ADD2: variants seen among roughly 807,000 people sequenced by gnomAD.
ADD2 encodes adducin 2, also known as beta-adducin.
In ADD2, 23 loss-of-function variants were observed where a neutral mutation model predicts 83.0. The observed-to-expected ratio is 0.28, with a 90% CI of 0.20 to 0.39. The LOEUF (loss-of-function observed/expected upper bound fraction) is 0.39. Ranked by LOEUF, ADD2 falls within the 10% of genes least tolerant of loss-of-function variation. The pLI, the probability that ADD2 is intolerant of heterozygous loss-of-function variation, is 1.00. For synonymous variants in ADD2, 375 were observed against 375.4 expected, an observed-to-expected ratio of 1.00 and a Z score of 0.01; for missense variants, 758 against 944.9, an observed-to-expected ratio of 0.80 and a Z score of 2.59.
At chr2:70,713,217 C>T (rs1558552773) in intron 1 of ADD2, 33 bp from the exon 2 acceptor site, 1 of 881,314 alleles carries the variant, frequency 1.1e-6, no homozygotes, top group East Asian at 1.2e-4. Flanking sequence ...GTGTCAGGGC[C>T]TGCACCACCA....
rs782386846 is a variant in ADD2 at position 70,678,708 on chromosome 2, G to A, written c.1379C>T (p.Thr460Ile). The A allele has an allele frequency of 6.4e-7, 1 of 1,561,674 alleles. No individual in the cohort carries two copies. Among genetic ancestry groups the A allele is most frequent in the Non-Finnish European group, 8.7e-7 (1 of 1,152,512 alleles). The change falls in exon 11 of 16, where the codon ACC (threonine) becomes ATC (isoleucine). Residue 460 changes from threonine (T) to isoleucine (I), a missense_variant. Transcript: ENST00000264436. ...QRSMGSPRPK[T>I]TWMKADEVEK... Reference sequence around the variant, plus strand: ...CTGTCCTGGGCTCCCCCTTACCGTGGTCTTGGGTCGGGGGCTGCCCATGCT... The same window carrying A: ...CTGTCCTGGGCTCCCCCTTACCGTGATCTTGGGTCGGGGGCTGCCCATGCT...
chr2:70,706,293 G>C lies in ADD2; in HGVS notation c.116C>G (p.Ala39Gly), dbSNP rs373392326. Residue 39 changes from alanine to glycine, a missense_variant, in exon 3 of 16, where the codon GCG becomes GGG. By Grantham distance (60) the Ala-to-Gly change is moderately conservative. Around this residue, in one of 5 missense-constraint regions of ADD2, gnomAD observed 175 missense variants for 192.1 expected, o/e 0.91. Coordinates refer to ENST00000264436, the MANE Select transcript of ADD2 (RefSeq NM_001617.4). This position sits in a 1 kb window ranked among gnomAD's most constrained non-coding sequence, Gnocchi z 5.0. Reference sequence around the variant, plus strand: ...CAGGTTGAAGTCCTGCCGCAGGTCCGCCGCCCGGTTGCGAAGGCGCATGTA... The same window carrying C: ...CAGGTTGAAGTCCTGCCGCAGGTCCCCCGCCCGGTTGCGAAGGCGCATGTA... ...PEYMRLRNRAADLRQDFNLME... is the reference protein window; with the variant it reads ...PEYMRLRNRAGDLRQDFNLME... 1.4e-5 allele frequency: 22 copies of C among 1,614,002 alleles called. No individual in the cohort carries two copies. Among genetic ancestry groups the C allele is most frequent in the Non-Finnish European group, 1.7e-5 (20 of 1,180,016 alleles).
intron 12 of ADD2, among the ~76,000 whole-genome samples, chr2:70,677,309 C>T (rs1388760802): frequency 1.3e-5 from 2 of 151,958 alleles, no homozygotes; most frequent in Non-Finnish European, 1.5e-5. Context: ...GTAGGGTATC[C>T]GGGTCCACAC....
intron 9 of ADD2, among the ~76,000 whole-genome samples, chr2:70,684,510 A>G (rs559840934): frequency 4.0e-4 from 61 of 152,138 alleles, no homozygotes; most frequent in Non-Finnish European, 7.4e-4. Flanking sequence ...TGGCCTCCCA[A>G]TGTGCTGGGA....
chr2:70,683,912 C>A, intron 9 of ADD2, 145 bp from the exon 10 acceptor site: 1 of 790,160 alleles, frequency 1.3e-6, no homozygotes, highest in Non-Finnish European at 1.9e-6. Context: ...ACTTGATGGG[C>A]ATGCCCCCAT....
intron 3 of ADD2, among the ~76,000 whole-genome samples, 187 bp from the exon 4 acceptor site, chr2:70,704,646 A>G (rs1553374120): frequency 1.3e-5 from 2 of 152,200 alleles, no homozygotes; most frequent in African/African-American, 4.8e-5. Context: ...GGGAAGCAAC[A>G]AAGAAATGCT....
chr2:70,692,355 C>T lies in ADD2; in HGVS notation c.705+48G>A, dbSNP rs114173843. 9.3e-4 allele frequency: 1,383 copies of T among 1,480,302 alleles called. 9 individuals carry two copies. In the African/African-American group the frequency reaches 0.018, roughly 19 times the overall value. 91.7% of individuals were successfully genotyped at this position (1,480,302 alleles called of 1,614,324 possible). On this transcript the variant is annotated intron_variant, in intron 7 of 15. Transcript: ENST00000264436. Reference sequence around the variant, plus strand: ...TTAAGTGACGAGATTGCTACAACCTCGGCAGCCTTACGTCTTTCCTTGGGT... The same window carrying T: ...TTAAGTGACGAGATTGCTACAACCTTGGCAGCCTTACGTCTTTCCTTGGGT...
chr2:70,761,949 G>A (rs1366921509), intron 1 of ADD2, among the ~76,000 whole-genome samples: 4 of 151,776 alleles, frequency 2.6e-5, no homozygotes, highest in South Asian at 2.1e-4. Flanking sequence ...GATTACAGGC[G>A]TGAGCCACCG....
chr2:70,747,433 GCCATGTGCTCTCCCATCA>G (rs1674273687), intron 1 of ADD2, among the ~76,000 whole-genome samples: 1 of 149,718 alleles, frequency 6.7e-6, no homozygotes, highest in African/African-American at 2.5e-5. Context: ...CTCCCATCAT[GCCATGTGCTCTCCCATCA>G]TGCCATGTGC....
intron 1 of ADD2, among the ~76,000 whole-genome samples, chr2:70,719,273 C>T (rs1672616893): frequency 2.6e-5 from 4 of 152,238 alleles, no homozygotes; most frequent in African/African-American, 9.6e-5. Context: ...AAAATATCTG[C>T]CATGGGTCAG....
intron 1 of ADD2, among the ~76,000 whole-genome samples, chr2:70,765,843 C>T (rs1675354334): frequency 6.6e-6 from 1 of 152,216 alleles, no homozygotes; most frequent in Non-Finnish European, 1.5e-5. Context: ...TTCCCAACTA[C>T]TTCCAAGTTA....
In ADD2 at chr2:70,678,738, T is replaced by C. The variant is rs782343020; in HGVS notation, c.1349A>G (p.Gln450Arg). ...YLRVNVADEV[Q>R]RSMGSPRPKT... ...GGGTCGGGGGCTGCCCATGCTCCTC[T>C]GGACCTCATCGGCCACATTGACCCG... The change falls in exon 11 of 16, where the codon CAG becomes CGG. Residue 450 changes from glutamine (Q) to arginine (R), a missense_variant. Gln to Arg is a conservative substitution (Grantham distance 43). Transcript: ENST00000264436. 18 of 1,597,388 alleles carry C rather than the reference T, an allele frequency of 1.1e-5. No homozygotes were observed. In the South Asian group the frequency reaches 1.9e-4, roughly 17 times the overall value.
chr2:70,753,987 G>A lies in ADD2; in HGVS notation c.-154+13899C>T, dbSNP rs781976956. On this transcript the variant is annotated intron_variant, in intron 1 of 15. Transcript: ENST00000264436. ...AAGGCTAGACAAGGGCGTCATCACA[G>A]AGCCACAGCAAGATGATGATACAAA... Among the ~76,000 whole-genome samples the A allele has an allele frequency of 5.3e-5, 8 of 152,174 alleles. No homozygotes were observed. The South Asian group carries it at 1.5e-3, about 28-fold the overall frequency.
At chr2:70,672,413 G>A (rs782542117) in intron 15 of ADD2, among the ~76,000 whole-genome samples, 2 of 152,192 alleles carry the variant, frequency 1.3e-5, no homozygotes, top group Admixed American at 6.5e-5. Context: ...AATCAAGACG[G>A]TTAAAGCTCC....
At chr2:70,688,534 G>A (rs1670859171) in intron 8 of ADD2, among the ~76,000 whole-genome samples, 1 of 152,236 alleles carries the variant, frequency 6.6e-6, no homozygotes, top group Non-Finnish European at 1.5e-5. Context: ...GAATGAAGTT[G>A]TTTGCTATCC....
chr2:70,747,258 T>C (rs10185244), intron 1 of ADD2, among the ~76,000 whole-genome samples: 103,258 of 152,024 alleles, frequency 0.68, 36,950 homozygotes, highest in East Asian at 0.9. Flanking sequence ...GATCCACCTG[T>C]CTCGGCCTCC....
intron 1 of ADD2, among the ~76,000 whole-genome samples, chr2:70,746,631 A>G (rs1264462110): frequency 6.6e-6 from 1 of 152,204 alleles, no homozygotes. Context: ...ATAGGGTAGG[A>G]TGGGAAAACA....
At position 70,677,812 on chromosome 2, in the gene ADD2, G is replaced by A. The variant is rs782479382; in HGVS notation, c.1449C>T (p.Asn483=). Residue 483 remains asparagine, a synonymous_variant, in exon 12 of 16, where the codon AAC becomes AAT. Transcript: ENST00000264436. ...SGMPIRIENP[N]QFVPLYTDPQ... is the part of the protein sequence containing the mutation. The stretch of plus-strand genomic sequence containing the variant: ...GGTCAGTATAGAGAGGCACAAATTG[G>A]TTTGGGTTTTCGATGCGAATCGGCA... 1.9e-6 allele frequency: 3 copies of A among 1,614,216 alleles called. No homozygotes were observed. The highest frequency in any genetic ancestry group is 3.3e-5 in the Admixed American group (2 of 60,028).
At chr2:70,708,562 T>C (rs558748566) in intron 2 of ADD2, among the ~76,000 whole-genome samples, 102 of 152,306 alleles carry the variant, frequency 6.7e-4, no homozygotes, top group African/African-American at 2.4e-3. Context: ...TGACATAAGA[T>C]GGCACAAAAC....
Sources: allele counts gnomAD v4.1 joint callset (sites outside exome capture counted in the v4.1 genomes callset), GRCh38; gene constraint gnomAD v4.1.1; regional missense constraint gnomAD v4.1.1; non-coding constraint Gnocchi (gnomAD v3.1); transcripts MANE v1.5; gene names NCBI Gene and HGNC (gene_info 2026-07-23, HGNC 2026-07-21).